The following TBPL2 variants were observed in gnomAD, a reference collection of about 807,000 sequenced individuals.
TBPL2 encodes TATA box-binding protein-like 2.
In TBPL2, 40 loss-of-function variants were observed where a neutral mutation model predicts 38.2. That is an observed-to-expected ratio of 1.05 (90% CI 0.81 to 1.36). The LOEUF (loss-of-function observed/expected upper bound fraction) is 1.36, where lower values mean the gene tolerates loss of function less well. Ranked by LOEUF, TBPL2 falls within the 40% of genes most tolerant of loss-of-function variation. The pLI, the probability that TBPL2 is intolerant of heterozygous loss-of-function variation, is 0.00. For synonymous variants in TBPL2, 169 were observed against 171.7 expected (o/e 0.98, Z 0.12); for missense variants, 461 against 456.7 (o/e 1.01, Z -0.09).
At chr14:55,434,799 A>T (rs904061930) in intron 3 of TBPL2, among the ~76,000 whole-genome samples, 1 of 152,214 alleles carries the variant, frequency 6.6e-6, no homozygotes, top group African/African-American at 2.4e-5. Flanking sequence ...CAGCAAAAAC[A>T]AATAATAGTT....
intron 6 of TBPL2, 44 bp from the exon 7 acceptor site, chr14:55,414,499 C>T: frequency 2.2e-6 from 3 of 1,372,390 alleles, no homozygotes; most frequent in Non-Finnish European, 3.0e-6. Flanking sequence ...TATAAAAATA[C>T]CAACATTTAC....
chr14:55,440,326 A>T, intron 1 of TBPL2, 70 bp downstream of exon 1: 1 of 1,573,964 alleles, frequency 6.4e-7, no homozygotes, highest in Non-Finnish European at 8.6e-7. Flanking sequence ...AGAGGAACGA[A>T]GGCAAAGCCC....
exon 1 of TBPL2, chr14:55,440,489 G>T: frequency 6.2e-7 from 1 of 1,612,666 alleles, no homozygotes; most frequent in Non-Finnish European, 8.5e-7. Flanking sequence ...GCGGGTAAGA[G>T]GGTAAGCGCG....
chr14:55,431,365 T>A (rs1885922562), intron 4 of TBPL2, among the ~76,000 whole-genome samples: 1 of 152,238 alleles, frequency 6.6e-6, no homozygotes, highest in Non-Finnish European at 1.5e-5. Flanking sequence ...CATGAGCATA[T>A]TTTACAATGA....
At chr14:55,440,308 G>T in intron 1 of TBPL2, 88 bp downstream of exon 1, 1 of 1,496,276 alleles carries the variant, frequency 6.7e-7, no homozygotes, top group Non-Finnish European at 9.1e-7. Context: ...TGGTCGCTAT[G>T]AGTTTTAAGA....
intron 6 of TBPL2, among the ~76,000 whole-genome samples, chr14:55,417,438 A>C (rs1251636675): frequency 1.4e-5 from 2 of 140,634 alleles, no homozygotes; most frequent in Non-Finnish European, 3.0e-5. Context: ...GGCTCCAATG[A>C]GATGACCCTT....
rs762506149 is a variant in TBPL2, at chr14:55,424,215, A to G, written c.995T>C (p.Met332Thr). The change falls in exon 6 of 7, where the codon ATG (methionine) becomes ACG (threonine). Residue 332 changes from methionine to threonine, a missense_variant. Physicochemically the swap from Met to Thr is moderately conservative, Grantham distance 81 (BLOSUM62 -1). Coordinates refer to ENST00000247219, the Ensembl canonical transcript of TBPL2. ...AAGCAACACAATTCGTGGTTTTACCATTCTATAAATAAGACCAGGAAACAG... is the reference window on the plus strand; with the variant it reads ...AAGCAACACAATTCGTGGTTTTACCGTTCTATAAATAAGACCAGGAAACAG... The G allele has an allele frequency of 1.4e-5, 22 of 1,613,406 alleles. No individual in the cohort carries two copies. The highest frequency in any genetic ancestry group is 2.7e-5 in the African/African-American group (2 of 74,928).
At chr14:55,434,711 C>G (rs559862474) in intron 3 of TBPL2, among the ~76,000 whole-genome samples, 3 of 152,236 alleles carry the variant, frequency 2.0e-5, no homozygotes, top group Admixed American at 2.0e-4. Context: ...TATGAAATAT[C>G]AAAAGGAAAG....
At position 55,435,899 on chromosome 14, in the gene TBPL2, A is replaced by T; in HGVS notation, c.644T>A (p.Leu215Ter). ...ATGCAAAGCTATTTTCTTCAGATCCAACTTACAGGCCAGGTTTACAGTGGA... is the reference window on the plus strand; with the variant it reads ...ATGCAAAGCTATTTTCTTCAGATCCTACTTACAGGCCAGGTTTACAGTGGA... The change falls in exon 3 of 7, where the codon TTG becomes TAG. Residue 215 changes from leucine to a stop codon, truncating the protein, a stop_gained. Transcript: ENST00000247219. LOFTEE classifies it high-confidence loss of function. 6.3e-7 allele frequency: 1 copy of T among 1,580,734 alleles called. No individual in the cohort carries two copies. The highest frequency in any genetic ancestry group is 2.3e-5 in the East Asian group (1 of 43,282).
exon 1 of TBPL2, chr14:55,440,502 G>T (rs527488978): frequency 1.9e-6 from 3 of 1,612,214 alleles, no homozygotes; most frequent in East Asian, 4.5e-5. Flanking sequence ...TAAGCGCGGA[G>T]CGAGCAGCCT....
chr14:55,440,600 G>A lies in TBPL2; in HGVS notation c.-55C>T, dbSNP rs1886097293. 7 of 1,514,620 alleles carry A rather than the reference G, an allele frequency of 4.6e-6. No homozygotes were observed. In the Admixed American group the frequency reaches 1.1e-4, roughly 24 times the overall value. 93.8% of individuals were successfully genotyped at this position (1,514,620 alleles called of 1,614,324 possible). ...GGCCCTCGGCCCAGGTTCCTGCAGA[G>A]GGCGCGAGAGAAGCGTTGGGCGATG... On this transcript the variant is annotated 5_prime_UTR_variant, in exon 1 of 7. Coordinates refer to ENST00000247219, the Ensembl canonical transcript of TBPL2.
At chr14:55,424,075 G>T in intron 6 of TBPL2, 84 bp downstream of exon 6, 4 of 919,928 alleles carry the variant, frequency 4.3e-6, no homozygotes, top group Non-Finnish European at 5.1e-6. Flanking sequence ...CTTTACCATG[G>T]TGAACAAAGG....
intron 6 of TBPL2, among the ~76,000 whole-genome samples, chr14:55,417,642 G>A (rs1055860704): frequency 6.6e-6 from 1 of 152,030 alleles, no homozygotes; most frequent in Non-Finnish European, 1.5e-5. Flanking sequence ...TCTATTTTCA[G>A]TAGAGATGGG....
chr14:55,424,052 A>G (rs1885783418), intron 6 of TBPL2, 107 bp downstream of exon 6: 11 of 732,158 alleles, frequency 1.5e-5, no homozygotes, highest in Admixed American at 2.4e-5. Context: ...GGTATTCTGT[A>G]TAACAAGAAT....
chr14:55,416,347 T>G (rs1486084059), intron 6 of TBPL2, among the ~76,000 whole-genome samples: 4 of 152,124 alleles, frequency 2.6e-5, no homozygotes, highest in African/African-American at 9.7e-5. Flanking sequence ...ATTCCAGCAC[T>G]TTGGGAGGCC....
chr14:55,436,073 A>G (rs902464628), intron 2 of TBPL2, 139 bp from the exon 3 acceptor site: 4 of 519,614 alleles, frequency 7.7e-6, no homozygotes, highest in Non-Finnish European at 9.9e-6. Flanking sequence ...GAAATACATG[A>G]CATGATTCCT....
chr14:55,436,254 G>C (rs1220110784), intron 2 of TBPL2, among the ~76,000 whole-genome samples: 1 of 152,036 alleles, frequency 6.6e-6, no homozygotes, highest in Non-Finnish European at 1.5e-5. Context: ...TATATCCTTG[G>C]TGTTTATCCA....
intron 4 of TBPL2, among the ~76,000 whole-genome samples, chr14:55,433,407 C>A (rs1326830862): frequency 1.3e-5 from 2 of 150,656 alleles, no homozygotes; most frequent in African/African-American, 4.9e-5. Context: ...CCTGCTTAGG[C>A]CTCCCAAAGT....
At chr14:55,439,930 C>CAAAAAAAAAAAAAAAAAA (rs71131272) in intron 1 of TBPL2, among the ~76,000 whole-genome samples, 3 of 39,180 alleles carry the variant, frequency 7.7e-5, no homozygotes, top group African/African-American at 1.1e-4. Context: ...GACTCTGTCT[C>CAAAAAAAAAAAAAAAAAA]AAAAAAAAAA....
Sources: allele counts gnomAD v4.1 joint callset (sites outside exome capture counted in the v4.1 genomes callset), GRCh38; gene constraint gnomAD v4.1.1; transcripts MANE v1.5; gene names NCBI Gene and HGNC (gene_info 2026-07-23, HGNC 2026-07-21).